Variants in BLK observed in about 807,000 individuals in gnomAD.
The protein encoded by BLK is BLK proto-oncogene, Src family tyrosine kinase, also known as tyrosine-protein kinase Blk.
BLK carries 64 observed loss-of-function variants against 61.8 expected under a neutral mutation model. The ratio of observed to expected loss-of-function variants is 1.03; its 90% confidence interval spans 0.85 to 1.27. The LOEUF (loss-of-function observed/expected upper bound fraction) is 1.27. Ranked by LOEUF, BLK falls within the 50% of genes most tolerant of loss-of-function variation. The probability of loss-of-function intolerance (pLI) is 0.00; values close to 1 mark genes in which losing one functional copy is unlikely to be tolerated. For missense variants in BLK, 853 were observed against 660.5 expected (o/e 1.29, Z -3.19); for synonymous variants, 351 against 272.0 (o/e 1.29, Z -2.86).
In BLK at chr8:11,554,330, G is replaced by A. The variant is rs938824466; in HGVS notation, c.473-413G>A. ...TGCAGCTGTGAATGGCTATCTGCTT[G>A]TAGGAGTAAGAGATACCCTCTTTAG... is the stretch of plus-strand genomic sequence containing the variant. On this transcript the variant is annotated intron_variant, in intron 6 of 12. Transcript: ENST00000259089. 9.7e-5 allele frequency: 27 copies of A among 279,554 alleles called. 1 individual carries two copies. The highest frequency in any genetic ancestry group is 7.7e-4 in the Admixed American group (17 of 22,110). The allele number at this position is 279,554 out of a possible 1,614,324, so 17.3% of individuals were successfully genotyped here. A position where few individuals can be genotyped will look rare whatever the true frequency, so the allele number is the denominator to read the frequency against.
At chr8:11,516,297 G>A (rs1412851114) in intron 1 of BLK, among the ~76,000 whole-genome samples, 2 of 152,198 alleles carry the variant, frequency 1.3e-5, no homozygotes, top group South Asian at 2.1e-4. Flanking sequence ...CAGAAAGCCC[G>A]ACAGACACTG....
intron 8 of BLK, chr8:11,556,007 C>G (rs533813892): frequency 3.5e-6 from 1 of 287,216 alleles, no homozygotes; most frequent in Non-Finnish European, 6.8e-6. Flanking sequence ...TCCGTTTTAT[C>G]CCTGGATTGG....
intron 12 of BLK, 27 bp from the exon 13 acceptor site, chr8:11,563,876 C>T (rs551604296): frequency 5.6e-6 from 9 of 1,598,810 alleles, no homozygotes; most frequent in East Asian, 4.5e-5. Flanking sequence ...AGCCCCTCAC[C>T]CCCGCTTGCG....
rs1468956774 is a variant in BLK at position 11,562,969 on chromosome 8, T to A, written c.1181-10T>A. On this transcript the variant is annotated splice_polypyrimidine_tract_variant and intron_variant, in intron 11 of 12. Transcript: ENST00000259089. ...GTGGCCTCCCAAAGCTTGCATGGCT[T>A]TTCCCACAGGGGCCAAGTTCCCCAT... is the stretch of plus-strand genomic sequence containing the variant. The A allele has an allele frequency of 6.2e-7, 1 of 1,613,832 alleles. No individual in the cohort carries two copies. Among genetic ancestry groups the A allele is most frequent in the Non-Finnish European group, 8.5e-7 (1 of 1,179,984 alleles).
chr8:11,527,024 C>G (rs919517206), intron 1 of BLK, among the ~76,000 whole-genome samples: 2 of 152,138 alleles, frequency 1.3e-5, no homozygotes, highest in African/African-American at 4.8e-5. Flanking sequence ...TCTTATAACT[C>G]ATGTCATTCT....
chr8:11,501,459 T>C (rs1351813712), intron 1 of BLK, among the ~76,000 whole-genome samples: 1 of 151,900 alleles, frequency 6.6e-6, no homozygotes, highest in Non-Finnish European at 1.5e-5. Flanking sequence ...GCCAGCACAC[T>C]GGGGGAAGTG....
At chr8:11,543,505 G>A (rs1393324359) in intron 2 of BLK, among the ~76,000 whole-genome samples, 158 bp downstream of exon 2, 1 of 152,204 alleles carries the variant, frequency 6.6e-6, no homozygotes, top group Non-Finnish European at 1.5e-5. Context: ...AACACGCACA[G>A]GACCCGGCCT....
At chr8:11,516,798 T>C (rs1799246642) in intron 1 of BLK, among the ~76,000 whole-genome samples, 2 of 152,246 alleles carry the variant, frequency 1.3e-5, no homozygotes, top group South Asian at 4.1e-4. Context: ...ATTGTACATA[T>C]AGCCCACACT....
intron 1 of BLK, among the ~76,000 whole-genome samples, chr8:11,515,049 C>G (rs1416546501): frequency 6.6e-6 from 1 of 152,176 alleles, no homozygotes; most frequent in Non-Finnish European, 1.5e-5. Flanking sequence ...TGAGATTCTT[C>G]CCCTAGTCTC....
intron 1 of BLK, among the ~76,000 whole-genome samples, chr8:11,528,892 C>G (rs907999656): frequency 6.6e-5 from 10 of 152,060 alleles, no homozygotes; most frequent in African/African-American, 2.4e-4. Context: ...TAAGTGGGAG[C>G]TGAACGGTGA....
chr8:11,496,288 A>G (rs1798355944), intron 1 of BLK, among the ~76,000 whole-genome samples: 1 of 151,930 alleles, frequency 6.6e-6, no homozygotes, highest in Non-Finnish European at 1.5e-5. Flanking sequence ...CCCAGGCTGG[A>G]GTGCAGTGGC....
intron 1 of BLK, among the ~76,000 whole-genome samples, chr8:11,522,278 A>T (rs1009882525): frequency 3.3e-5 from 5 of 152,230 alleles, no homozygotes; most frequent in African/African-American, 1.2e-4. Flanking sequence ...TGAGCATCTC[A>T]AATATAATCA....
chr8:11,545,836 G>A (rs1387484922), intron 2 of BLK: 11 of 619,820 alleles, frequency 1.8e-5, no homozygotes, highest in East Asian at 5.6e-5. Context: ...CCCCCAGCGC[G>A]GTCAGGGCAA....
chr8:11,515,682 T>C (rs978920807), intron 1 of BLK, among the ~76,000 whole-genome samples: 5 of 152,332 alleles, frequency 3.3e-5, no homozygotes, highest in African/African-American at 1.2e-4. Context: ...TCTTTTCTAA[T>C]ATTGTATCAG....
At chr8:11,528,011 G>A (rs983400208) in intron 1 of BLK, among the ~76,000 whole-genome samples, 4 of 152,078 alleles carry the variant, frequency 2.6e-5, no homozygotes, top group African/African-American at 9.7e-5. Flanking sequence ...GCAAGGAGGG[G>A]GTTAGTTTTG....
At chr8:11,507,254 TA>T (rs1489761212) in intron 1 of BLK, among the ~76,000 whole-genome samples, 7 of 152,192 alleles carry the variant, frequency 4.6e-5, no homozygotes, top group Non-Finnish European at 1.0e-4. Context: ...GCTTGACAAC[TA>T]GTTAGAATTG....
intron 6 of BLK, chr8:11,554,335 A>T (rs1057287204): frequency 9.9e-6 from 3 of 302,174 alleles, no homozygotes; most frequent in African/African-American, 6.5e-5. Context: ...TGCTTGTAGG[A>T]GTAAGAGATA....
intron 1 of BLK, among the ~76,000 whole-genome samples, chr8:11,525,978 GC>G (rs1456796193): frequency 4.6e-5 from 7 of 152,136 alleles, no homozygotes; most frequent in African/African-American, 1.7e-4. Flanking sequence ...TCACCATGTT[GC>G]CCAGGCTGGT....
intron 1 of BLK, among the ~76,000 whole-genome samples, chr8:11,505,647 C>A (rs945768596): frequency 6.6e-6 from 1 of 152,208 alleles, no homozygotes; most frequent in African/African-American, 2.4e-5. Context: ...CCAATTCATC[C>A]CATGTGTGGC....
Sources: allele counts gnomAD v4.1 joint callset (sites outside exome capture counted in the v4.1 genomes callset), GRCh38; gene constraint gnomAD v4.1.1; transcripts MANE v1.5; gene names NCBI Gene and HGNC (gene_info 2026-07-23, HGNC 2026-07-21).